SLX4IP: variants seen among roughly 807,000 people sequenced by gnomAD.
The protein encoded by SLX4IP is protein SLX4IP.
A neutral mutation model predicts 32.9 loss-of-function variants in SLX4IP; 34 were observed. The ratio of observed to expected loss-of-function variants is 1.03; its 90% confidence interval spans 0.79 to 1.38. SLX4IP has a LOEUF of 1.38. SLX4IP is among the 40% of genes most tolerant of loss of function. The pLI is 0.00. For synonymous variants in SLX4IP, 172 were observed against 171.7 expected (o/e 1.00, Z -0.01); for missense variants, 444 against 479.0 (o/e 0.93, Z 0.68).
intron 1 of SLX4IP, among the ~76,000 whole-genome samples, chr20:10,441,730 TG>T (rs2065161212): frequency 8.9e-6 from 1 of 112,802 alleles, no homozygotes; most frequent in Non-Finnish European, 2.2e-5. Context: ...TGTTTGTTTT[TG>T]TTTTTTTTTT....
rs535319068 is a variant in SLX4IP at position 10,532,593 on chromosome 20, C to T, written c.28-23638C>T. Among the ~76,000 whole-genome samples the T allele has an allele frequency of 1.0e-3, 153 of 152,234 alleles. 7 individuals carry two copies. In the South Asian group the frequency reaches 0.03, roughly 30 times the overall value. On this transcript the variant is annotated intron_variant, in intron 2 of 7. Transcript: ENST00000334534. ...CAACCCATCTCTAGTCCTCACTTCACCTGAGGCCCCCTGGTGACATATTGT... is the reference window on the plus strand; with the variant it reads ...CAACCCATCTCTAGTCCTCACTTCATCTGAGGCCCCCTGGTGACATATTGT...
chr20:10,437,155 TA>T (rs1311914797), intron 1 of SLX4IP, among the ~76,000 whole-genome samples: 1 of 152,128 alleles, frequency 6.6e-6, no homozygotes, highest in African/African-American at 2.4e-5. Flanking sequence ...AGACAGGGTA[TA>T]ACCCTGTTGC....
At chr20:10,575,854 G>C (rs933643950) in intron 4 of SLX4IP, among the ~76,000 whole-genome samples, 1 of 151,930 alleles carries the variant, frequency 6.6e-6, no homozygotes, top group Non-Finnish European at 1.5e-5. Context: ...CACCCATAAG[G>C]AAGCTGGAAG....
At chr20:10,592,831 A>AC (rs2066726970) in intron 4 of SLX4IP, among the ~76,000 whole-genome samples, 1 of 151,746 alleles carries the variant, frequency 6.6e-6, no homozygotes, top group Admixed American at 6.6e-5. Context: ...ACAGGGTTTC[A>AC]CCATGTGAGC....
At chr20:10,581,731 C>T (rs1247966432) in intron 4 of SLX4IP, among the ~76,000 whole-genome samples, 1 of 152,034 alleles carries the variant, frequency 6.6e-6, no homozygotes, top group Non-Finnish European at 1.5e-5. Flanking sequence ...GCCTGGGCAA[C>T]ATAGTGATAC....
At chr20:10,500,950 G>A (rs1162317266) in intron 2 of SLX4IP, among the ~76,000 whole-genome samples, 1 of 152,094 alleles carries the variant, frequency 6.6e-6, no homozygotes, top group African/African-American at 2.4e-5. Context: ...CACAGATTAA[G>A]GCCATGTCTG....
At chr20:10,544,129 C>T (rs958245793) in intron 2 of SLX4IP, among the ~76,000 whole-genome samples, 1 of 152,204 alleles carries the variant, frequency 6.6e-6, no homozygotes, top group African/African-American at 2.4e-5. Flanking sequence ...AGTCATCTAA[C>T]TCATTAAAGG....
chr20:10,524,906 G>T (rs903445718), intron 2 of SLX4IP, among the ~76,000 whole-genome samples: 2 of 152,112 alleles, frequency 1.3e-5, no homozygotes, highest in Admixed American at 6.6e-5. Context: ...TACTGCCATT[G>T]TCTTGGTTCA....
chr20:10,503,040 G>A (rs1476200585), intron 2 of SLX4IP, among the ~76,000 whole-genome samples: 2 of 152,112 alleles, frequency 1.3e-5, no homozygotes, highest in African/African-American at 2.4e-5. Flanking sequence ...TCCTCCTCTA[G>A]TTGTAGTGCC....
Position 10,460,384 on chromosome 20 carries a change from A to G in SLX4IP, c.27+2153A>G, listed in dbSNP as rs182133970. On this transcript the variant is annotated intron_variant, in intron 2 of 7. Transcript: ENST00000334534. Reference sequence around the variant, plus strand: ...TAGGTTGCCTAGCATCAATTGAGTAATTTTTCCTTTTGATGTTGGTTGGGG... The same window carrying G: ...TAGGTTGCCTAGCATCAATTGAGTAGTTTTTCCTTTTGATGTTGGTTGGGG... 1.4e-4 allele frequency among the ~76,000 whole-genome samples: 22 copies of G among 152,228 alleles called. No individual in the cohort carries two copies. The East Asian group carries it at 4.1e-3, about 28-fold the overall frequency.
chr20:10,539,292 C>G (rs1173193087), intron 2 of SLX4IP, among the ~76,000 whole-genome samples: 4 of 152,138 alleles, frequency 2.6e-5, no homozygotes, highest in Admixed American at 1.3e-4. Flanking sequence ...GGAAATATTA[C>G]CTGCTCCTCA....
At chr20:10,620,746 G>A (rs886860145) in intron 6 of SLX4IP, among the ~76,000 whole-genome samples, 3 of 152,088 alleles carry the variant, frequency 2.0e-5, no homozygotes, top group African/African-American at 4.8e-5. Context: ...TAGTAGAGAC[G>A]GGGTTTCACC....
chr20:10,604,540 G>T (rs572965021), intron 6 of SLX4IP, among the ~76,000 whole-genome samples: 1 of 152,264 alleles, frequency 6.6e-6, no homozygotes, highest in Non-Finnish European at 1.5e-5. Context: ...ACTTAAAGGT[G>T]GTTGCACAAA....
At chr20:10,484,419 TG>T (rs2065554056) in intron 2 of SLX4IP, among the ~76,000 whole-genome samples, 1 of 152,206 alleles carries the variant, frequency 6.6e-6, no homozygotes, top group African/African-American at 2.4e-5. Flanking sequence ...AGAAGTATCT[TG>T]AGGGGAGCTC....
intron 1 of SLX4IP, among the ~76,000 whole-genome samples, chr20:10,436,083 A>C (rs1312839351): frequency 3.0e-4 from 46 of 152,074 alleles, no homozygotes; most frequent in Admixed American, 3.0e-3. Context: ...CGGGTGTAGG[A>C]ATTAATGGTA....
chr20:10,572,259 T>G (rs2066475298), intron 4 of SLX4IP, among the ~76,000 whole-genome samples: 1 of 152,260 alleles, frequency 6.6e-6, no homozygotes, highest in Admixed American at 6.5e-5. Context: ...AAAACTCCAC[T>G]GTCTGACACC....
chr20:10,524,350 CACATA>C (rs1332920197), intron 2 of SLX4IP, among the ~76,000 whole-genome samples: 1 of 152,170 alleles, frequency 6.6e-6, no homozygotes, highest in African/African-American at 2.4e-5. Context: ...CCCAGGTTTA[CACATA>C]ACAGGCATAG....
intron 4 of SLX4IP, among the ~76,000 whole-genome samples, chr20:10,594,725 G>A (rs530149813): frequency 3.9e-4 from 59 of 152,224 alleles, no homozygotes; most frequent in African/African-American, 1.2e-3. Flanking sequence ...GATGGAATTT[G>A]TTCAATTCAT....
At chr20:10,592,792 G>T (rs185138908) in intron 4 of SLX4IP, among the ~76,000 whole-genome samples, 1 of 151,646 alleles carries the variant, frequency 6.6e-6, no homozygotes, top group Non-Finnish European at 1.5e-5. Flanking sequence ...GTGCCACCAC[G>T]CCTGGCTAAT....
Sources: allele counts gnomAD v4.1 joint callset (sites outside exome capture counted in the v4.1 genomes callset), GRCh38; gene constraint gnomAD v4.1.1; transcripts MANE v1.5; gene names NCBI Gene and HGNC (gene_info 2026-07-23, HGNC 2026-07-21).